The following USP15 variants were observed in gnomAD, a reference collection of about 807,000 sequenced individuals.
USP15 encodes ubiquitin carboxyl-terminal hydrolase 15.
In USP15, 18 loss-of-function variants were observed where a neutral mutation model predicts 127.1. The observed-to-expected ratio is 0.14, with a 90% CI of 0.10 to 0.21. The LOEUF (loss-of-function observed/expected upper bound fraction) is 0.21. Ranked by LOEUF, USP15 falls within the 10% of genes least tolerant of loss-of-function variation. The pLI, the probability that USP15 is intolerant of heterozygous loss-of-function variation, is 1.00. For synonymous variants in USP15, 364 were observed against 393.7 expected (o/e 0.92, Z 0.89); for missense variants, 805 against 1,159.9 (o/e 0.69, Z 4.44).
At chr12:62,360,000 A>C (rs1192761453) in intron 8 of USP15, among the ~76,000 whole-genome samples, 1 of 152,150 alleles carries the variant, frequency 6.6e-6, no homozygotes, top group Non-Finnish European at 1.5e-5. Context: ...TATTGGTGAT[A>C]ATTTTAATTA....
chr12:62,390,254 G>C (rs2067279871), intron 14 of USP15, among the ~76,000 whole-genome samples: 1 of 152,090 alleles, frequency 6.6e-6, no homozygotes, highest in South Asian at 2.1e-4. Flanking sequence ...AGGAATTTAT[G>C]TTATAATAAT....
chr12:62,365,396 GTTGT>G (rs1467702717), intron 8 of USP15, among the ~76,000 whole-genome samples: 2 of 152,062 alleles, frequency 1.3e-5, no homozygotes, highest in Admixed American at 6.6e-5. Context: ...TTTTGATGGG[GTTGT>G]TTGTTTTTTT....
intron 2 of USP15, among the ~76,000 whole-genome samples, chr12:62,299,750 T>C (rs2064250432): frequency 6.6e-6 from 1 of 152,226 alleles, no homozygotes; most frequent in African/African-American, 2.4e-5. Context: ...AGACTGTTTT[T>C]CCAAAGTCAT....
intron 1 of USP15, among the ~76,000 whole-genome samples, chr12:62,264,653 C>T (rs1220850423): frequency 6.6e-6 from 1 of 152,118 alleles, no homozygotes; most frequent in East Asian, 1.9e-4. Flanking sequence ...AGCTTTCTGT[C>T]CATTCCGACT....
intron 1 of USP15, among the ~76,000 whole-genome samples, chr12:62,269,678 T>A (rs1438667335): frequency 1.3e-5 from 2 of 151,992 alleles, no homozygotes; most frequent in African/African-American, 2.4e-5. Context: ...ACCTTAGTCT[T>A]CCAAAGTGTT....
chr12:62,320,400 C>G (rs2064951802), intron 4 of USP15, among the ~76,000 whole-genome samples: 1 of 152,204 alleles, frequency 6.6e-6, no homozygotes, highest in Admixed American at 6.5e-5. Context: ...AGCCATGCTT[C>G]TTGTACAGCC....
intron 2 of USP15, among the ~76,000 whole-genome samples, chr12:62,300,030 T>G (rs1202882427): frequency 2.0e-5 from 3 of 152,146 alleles, no homozygotes; most frequent in African/African-American, 7.2e-5. Context: ...TATTTTCAGT[T>G]TGTTATTTAT....
chr12:62,402,125 G>A (rs1474364822), intron 21 of USP15, among the ~76,000 whole-genome samples: 1 of 151,442 alleles, frequency 6.6e-6, no homozygotes, highest in Non-Finnish European at 1.5e-5. Flanking sequence ...TAACAACACT[G>A]CCCTAATCTT....
intron 8 of USP15, among the ~76,000 whole-genome samples, chr12:62,364,717 C>G (rs1414562014): frequency 6.6e-6 from 1 of 151,942 alleles, no homozygotes; most frequent in African/African-American, 2.4e-5. Context: ...CTCTAGCCCC[C>G]CAACCCCCAA....
chr12:62,391,033 A>T (rs1248055901), intron 15 of USP15, 54 bp downstream of exon 15: 1 of 1,555,248 alleles, frequency 6.4e-7, no homozygotes, highest in African/African-American at 1.4e-5. Flanking sequence ...ATTGCCTCAG[A>T]GAAAAAGTTA....
At chr12:62,348,252 T>A (rs1178908547) in intron 6 of USP15, among the ~76,000 whole-genome samples, 1 of 152,178 alleles carries the variant, frequency 6.6e-6, no homozygotes, top group Non-Finnish European at 1.5e-5. Context: ...CATTTTTTTA[T>A]ATTTAAAAAA....
At chr12:62,327,448 G>T (rs1462615450) in intron 6 of USP15, among the ~76,000 whole-genome samples, 3 of 151,932 alleles carry the variant, frequency 2.0e-5, no homozygotes, top group African/African-American at 7.3e-5. Context: ...TTTACTTTTA[G>T]TCTTCAAAGC....
At chr12:62,395,365 A>AT (rs779792294) in intron 19 of USP15, among the ~76,000 whole-genome samples, 126 of 151,866 alleles carry the variant, frequency 8.3e-4, no homozygotes, top group Admixed American at 2.0e-3. Flanking sequence ...ATTTTATTTT[A>AT]TTTTTTTATT....
rs547213276 is a variant in USP15 at position 62,270,859 on chromosome 12, G to A, written c.89+10356G>A. Among the ~76,000 whole-genome samples the A allele has an allele frequency of 2.6e-5, 4 of 152,092 alleles. No homozygotes were observed. The South Asian group carries it at 6.2e-4, about 24-fold the overall frequency. On this transcript the variant is annotated intron_variant, in intron 1 of 21. Transcript: ENST00000280377. ...TTGTTTTGTAAATATTCTTAAATAT[G>A]TGTATTTCATTACTCCGTATAAATG...
chr12:62,294,440 C>T, intron 2 of USP15, 134 bp downstream of exon 2: 1 of 906,624 alleles, frequency 1.1e-6, no homozygotes, highest in Non-Finnish European at 1.6e-6. Context: ...ACCTAATGAA[C>T]TCATTATTCT....
chr12:62,319,196 G>A (rs1306036902), intron 4 of USP15, among the ~76,000 whole-genome samples: 1 of 152,142 alleles, frequency 6.6e-6, no homozygotes, highest in Non-Finnish European at 1.5e-5. Context: ...AGAGAGCAAA[G>A]GGGGAAGTGC....
At chr12:62,327,544 G>A (rs2065162509) in intron 6 of USP15, 1 of 363,046 alleles carries the variant, frequency 2.8e-6, no homozygotes, top group African/African-American at 2.2e-5. Context: ...AATTGTTTGT[G>A]GATTAATATT....
At chr12:62,390,122 TC>T (rs2137612310) in intron 14 of USP15, 134 bp downstream of exon 14, 1 of 1,005,436 alleles carries the variant, frequency 9.9e-7, no homozygotes, top group Non-Finnish European at 1.4e-6. Context: ...TTGTTCATAG[TC>T]AGATTATAGT....
At chr12:62,372,317 C>CT (rs1423473460) in intron 8 of USP15, among the ~76,000 whole-genome samples, 3 of 152,128 alleles carry the variant, frequency 2.0e-5, no homozygotes, top group Non-Finnish European at 4.4e-5. Flanking sequence ...TTGAATTGAG[C>CT]TGGCATGTTA....
Sources: allele counts gnomAD v4.1 joint callset (sites outside exome capture counted in the v4.1 genomes callset), GRCh38; gene constraint gnomAD v4.1.1; transcripts MANE v1.5; gene names NCBI Gene and HGNC (gene_info 2026-07-23, HGNC 2026-07-21).